Variants in NFIB observed in about 807,000 individuals in gnomAD.
The protein encoded by NFIB is nuclear factor 1 B-type.
Under a neutral mutation model 61.5 loss-of-function variants are expected in NFIB, and 11 were observed. The observed-to-expected ratio is 0.18, with a 90% CI of 0.11 to 0.30. The LOEUF (loss-of-function observed/expected upper bound fraction) is 0.30, where lower values mean the gene tolerates loss of function less well. Ranked by LOEUF, NFIB falls within the 10% of genes least tolerant of loss-of-function variation. The pLI, the probability that NFIB is intolerant of heterozygous loss-of-function variation, is 1.00. For synonymous variants in NFIB, 260 were observed against 216.5 expected (o/e 1.20, Z -1.76); for missense variants, 471 against 608.9 (o/e 0.77, Z 2.38).
intron 1 of NFIB, among the ~76,000 whole-genome samples, chr9:14,333,663 G>A (rs763546211): frequency 1.3e-5 from 2 of 152,126 alleles, no homozygotes; most frequent in Non-Finnish European, 2.9e-5. Context: ...CTCTCTTCCT[G>A]TGCTTTCGAA....
At chr9:14,457,546 AC>A in the NFIB span, among the ~76,000 whole-genome samples, 1 of 148,818 alleles carries the variant, frequency 6.7e-6, no homozygotes, top group Admixed American at 6.8e-5. Context: ...GACACAAAAA[AC>A]CCTTCAAAAA....
At chr9:14,455,037 T>C in the NFIB span, among the ~76,000 whole-genome samples, 1 of 152,144 alleles carries the variant, frequency 6.6e-6, no homozygotes, top group African/African-American at 2.4e-5. Flanking sequence ...TAAGCCCCCA[T>C]GATTGGGGGT....
chr9:14,244,325 T>C (rs1427662105), intron 2 of NFIB, among the ~76,000 whole-genome samples: 1 of 152,190 alleles, frequency 6.6e-6, no homozygotes, highest in Non-Finnish European at 1.5e-5. Context: ...AATGACCTTA[T>C]AGTAGAAAAC....
At chr9:14,121,095 G>T (rs986661753) in intron 7 of NFIB, among the ~76,000 whole-genome samples, 5 of 151,954 alleles carry the variant, frequency 3.3e-5, no homozygotes, top group Non-Finnish European at 4.4e-5. Flanking sequence ...AAACCCCATC[G>T]CTACTGAAAA....
At chr9:14,200,433 G>A (rs371448348) in intron 2 of NFIB, among the ~76,000 whole-genome samples, 5 of 152,162 alleles carry the variant, frequency 3.3e-5, no homozygotes, top group African/African-American at 9.7e-5. Flanking sequence ...CTCTGATCAC[G>A]ATGTGAGATA....
chr9:14,127,141 G>T (rs144790435), intron 6 of NFIB, among the ~76,000 whole-genome samples: 3 of 152,106 alleles, frequency 2.0e-5, no homozygotes, highest in African/African-American at 7.2e-5. Flanking sequence ...ATTTTAACAG[G>T]GTTCACCCAA....
At chr9:14,301,523 A>G (rs1361681849) in intron 2 of NFIB, among the ~76,000 whole-genome samples, 1 of 152,164 alleles carries the variant, frequency 6.6e-6, no homozygotes, top group Admixed American at 6.5e-5. Flanking sequence ...TATATTTTTA[A>G]ATATTTGAAA....
At chr9:14,348,197 C>A (rs2061057368) in intron 1 of NFIB, among the ~76,000 whole-genome samples, 1 of 152,212 alleles carries the variant, frequency 6.6e-6, no homozygotes, top group Non-Finnish European at 1.5e-5. Context: ...TTACTGTGCG[C>A]CAGGGGAAGG....
At chr9:14,461,455 A>G in the NFIB span, among the ~76,000 whole-genome samples, 1 of 152,218 alleles carries the variant, frequency 6.6e-6, no homozygotes, top group African/African-American at 2.4e-5. Flanking sequence ...GCCTCATCTT[A>G]CAAATCAGCC....
chr9:14,116,264 A>T lies in NFIB; in HGVS notation c.1328T>A (p.Val443Glu). ...VLAPSPHPSA[V>E]RPVTLSMTDT... ...TGTCATGCTCAGGGTCACAGGTCGC[A>T]CTGCACTGGGATGGGGAGAGGGTGC... Residue 443 changes from valine to glutamate, a missense_variant, in exon 9 of 11, where the codon GTG becomes GAG. By Grantham distance (121) the Val-to-Glu change is moderately radical. Transcript: ENST00000380953. The T allele has an allele frequency of 1.3e-6, 2 of 1,539,158 alleles. No homozygotes were observed. The highest frequency in any genetic ancestry group is 1.8e-6 in the Non-Finnish European group (2 of 1,140,664).
chr9:14,244,894 A>C (rs2054741143), intron 2 of NFIB, among the ~76,000 whole-genome samples: 2 of 152,206 alleles, frequency 1.3e-5, no homozygotes, highest in East Asian at 3.8e-4. Context: ...TTAGTGCAGC[A>C]TGTGCCTAAT....
At chr9:14,288,826 C>G (rs1383164778) in intron 2 of NFIB, among the ~76,000 whole-genome samples, 1 of 151,894 alleles carries the variant, frequency 6.6e-6, no homozygotes, top group Non-Finnish European at 1.5e-5. Flanking sequence ...TTTCCTAGCT[C>G]CTTAAAATAT....
rs2060087578 is a variant in NFIB at position 14,307,689 on chromosome 9, G to T, written c.31-169C>A. On this transcript the variant is annotated intron_variant, in intron 1 of 10. Coordinates refer to ENST00000380953, the MANE Select transcript of NFIB (RefSeq NM_001190737.2). The surrounding 1 kb of genome is among the most constrained non-coding windows in gnomAD (Gnocchi z 5.3). ...AATTATCAAAATAACAGGACAAGAAGAAAGTAAAGTATGCCCAGCTGTCCC... is the reference window on the plus strand; with the variant it reads ...AATTATCAAAATAACAGGACAAGAATAAAGTAAAGTATGCCCAGCTGTCCC... Among the ~76,000 whole-genome samples, 1 of 152,072 alleles carries T rather than the reference G, an allele frequency of 6.6e-6. No individual in the cohort carries two copies. The highest frequency in any genetic ancestry group is 1.5e-5 in the Non-Finnish European group (1 of 67,984).
chr9:14,114,144 A>T (rs147926916), intron 9 of NFIB, among the ~76,000 whole-genome samples: 35 of 152,330 alleles, frequency 2.3e-4, no homozygotes, highest in African/African-American at 7.9e-4. Context: ...TTGTTCACTT[A>T]AAGGACTGCA....
At chr9:14,195,857 A>C (rs987090487) in intron 2 of NFIB, among the ~76,000 whole-genome samples, 9 of 152,172 alleles carry the variant, frequency 5.9e-5, no homozygotes, top group African/African-American at 1.4e-4. Context: ...CATTGGGAGG[A>C]AAAAGGGGGT....
intron 1 of NFIB, among the ~76,000 whole-genome samples, chr9:14,336,030 T>A (rs1488667122): frequency 6.6e-6 from 1 of 152,250 alleles, no homozygotes; most frequent in Non-Finnish European, 1.5e-5. Context: ...TTGATTTATT[T>A]GTCTTTATCC....
At chr9:14,375,196 G>T (rs1359970322) in intron 1 of NFIB, among the ~76,000 whole-genome samples, 2 of 152,178 alleles carry the variant, frequency 1.3e-5, no homozygotes, top group Non-Finnish European at 2.9e-5. Flanking sequence ...GTTCCTCAGA[G>T]TCATCAGAGC....
At chr9:14,283,294 G>A (rs913376897) in intron 2 of NFIB, among the ~76,000 whole-genome samples, 1 of 152,186 alleles carries the variant, frequency 6.6e-6, no homozygotes, top group Non-Finnish European at 1.5e-5. Flanking sequence ...AAACGCTTGT[G>A]TATTTGTATC....
At chr9:14,464,589 G>C in the NFIB span, among the ~76,000 whole-genome samples, 1 of 152,194 alleles carries the variant, frequency 6.6e-6, no homozygotes, top group East Asian at 1.9e-4. Context: ...ACAGCTGATG[G>C]AGCGTAGCAA....
Sources: gnomAD v4.1 joint callset for allele counts (sites outside exome capture counted in the v4.1 genomes callset) on GRCh38, gnomAD v4.1.1 for gene constraint, Gnocchi (gnomAD v3.1) non-coding constraint, MANE v1.5 for transcripts, NCBI Gene and HGNC (gene_info 2026-07-23, HGNC 2026-07-21) for gene names.